TRIM16: variants seen among roughly 807,000 people sequenced by gnomAD.
The protein encoded by TRIM16 is tripartite motif containing 16, also known as tripartite motif-containing protein 16.
Under a neutral mutation model 50.4 loss-of-function variants are expected in TRIM16, and 33 were observed. The observed-to-expected ratio is 0.65, with a 90% CI of 0.50 to 0.88. The LOEUF is 0.88. TRIM16 is among the 40% of genes least tolerant of loss of function. The pLI, the probability that TRIM16 is intolerant of heterozygous loss-of-function variation, is 0.00. For missense variants in TRIM16, 581 were observed against 686.8 expected (o/e 0.85, Z 1.72); for synonymous variants, 229 against 270.7 (o/e 0.85, Z 1.51).
intron 1 of TRIM16, 40 bp from the exon 2 acceptor site, chr17:15,683,197 C>A (rs909809382): frequency 3.5e-6 from 5 of 1,418,396 alleles, no homozygotes; most frequent in Non-Finnish European, 4.8e-6. Context: ...TCCCCTTTTT[C>A]ATTGTATTTC....
rs542799177 is a variant in TRIM16 at position 15,664,762 on chromosome 17, C to T, written c.-338+12414G>A. On this transcript the variant is annotated intron_variant, in intron 6 of 11. Coordinates refer to ENST00000649191, the MANE Select transcript of TRIM16 (RefSeq NM_001348119.1). ...CAAGAACCAGGAAACAGGCCGGGCG[C>T]GGTGGCTCACTCCTGTCATCCCAGC... 1.8e-4 allele frequency among the ~76,000 whole-genome samples: 27 copies of T among 151,374 alleles called. No homozygotes were observed. In the East Asian group the frequency reaches 4.3e-3, roughly 24 times the overall value.
intron 7 of TRIM16, among the ~76,000 whole-genome samples, chr17:15,645,739 G>A (rs114405319): frequency 0.053 from 8,102 of 152,290 alleles, 748 homozygotes; most frequent in African/African-American, 0.18. Context: ...TGCAGGCAGA[G>A]GACTCGCCTC....
intron 6 of TRIM16, among the ~76,000 whole-genome samples, chr17:15,669,244 G>C (rs1187086139): frequency 2.0e-5 from 3 of 151,514 alleles, no homozygotes. Context: ...AGAAATAGCA[G>C]CATGACCACT....
Position 15,651,880 on chromosome 17 carries a change from T to C in TRIM16, c.-271A>G. 7.2e-7 allele frequency: 1 copy of C among 1,393,496 alleles called. No homozygotes were observed. The allele number at this position is 1,393,496 out of a possible 1,614,324, so 86.3% of individuals were successfully genotyped here. A position where few individuals can be genotyped will look rare whatever the true frequency, so the allele number is the denominator to read the frequency against. ...CCTCCCCAGGTCCAGCCCTGAAACT[T>C]CTATTCTTATGTGAATCATCTGAAC... On this transcript the variant is annotated 5_prime_UTR_variant, in exon 7 of 12. Coordinates refer to ENST00000649191, the MANE Select transcript of TRIM16 (RefSeq NM_001348119.1).
intron 6 of TRIM16, among the ~76,000 whole-genome samples, chr17:15,658,481 A>T (rs1230806641): frequency 6.6e-6 from 1 of 152,208 alleles, no homozygotes; most frequent in Non-Finnish European, 1.5e-5. Context: ...TTTGTCCACC[A>T]GACTTCAAGA....
At chr17:15,648,237 A>AC (rs1567676586) in intron 7 of TRIM16, among the ~76,000 whole-genome samples, 2 of 149,004 alleles carry the variant, frequency 1.3e-5, no homozygotes, top group African/African-American at 5.2e-5. Flanking sequence ...AAAAAAAAAA[A>AC]AAACAAAAAA....
chr17:15,639,601 C>T (rs1208616855), intron 8 of TRIM16, among the ~76,000 whole-genome samples: 1 of 149,128 alleles, frequency 6.7e-6, no homozygotes, highest in Non-Finnish European at 1.5e-5. Flanking sequence ...TGGCTCCCTC[C>T]GGAGCCCTGT....
At chr17:15,635,910 C>T in intron 9 of TRIM16, 126 bp downstream of exon 9, 4 of 831,554 alleles carry the variant, frequency 4.8e-6, no homozygotes, top group Non-Finnish European at 7.5e-6. Flanking sequence ...TCTCTCTGTT[C>T]CCACTGCTCC....
Position 15,651,734 on chromosome 17 carries a change from C to G in TRIM16, c.-125G>C. On this transcript the variant is annotated 5_prime_UTR_variant, in exon 7 of 12. Transcript: ENST00000649191. Reference sequence around the variant, plus strand: ...TGCTGCAAGATTTTAACTGTTTCCTCCCTCCCAGAGGAAGCTCGGCCACTC... The same window carrying G: ...TGCTGCAAGATTTTAACTGTTTCCTGCCTCCCAGAGGAAGCTCGGCCACTC... The G allele has an allele frequency of 6.5e-7, 1 of 1,527,618 alleles. No individual in the cohort carries two copies. The highest frequency in any genetic ancestry group is 8.8e-7 in the Non-Finnish European group (1 of 1,142,848). 94.6% of individuals were successfully genotyped at this position (1,527,618 alleles called of 1,614,324 possible).
chr17:15,661,095 G>A (rs1460344824), intron 6 of TRIM16, among the ~76,000 whole-genome samples: 1 of 152,060 alleles, frequency 6.6e-6, no homozygotes. Flanking sequence ...GTGTCAAGTG[G>A]TCAGAGTCCT....
At chr17:15,640,243 T>A (rs1312237264) in intron 8 of TRIM16, among the ~76,000 whole-genome samples, 1 of 147,674 alleles carries the variant, frequency 6.8e-6, no homozygotes, top group South Asian at 2.2e-4. Flanking sequence ...CAGCCTGACC[T>A]CTCCCTCTGG....
intron 6 of TRIM16, among the ~76,000 whole-genome samples, chr17:15,661,058 G>A (rs781712211): frequency 1.3e-5 from 2 of 152,132 alleles, no homozygotes; most frequent in Non-Finnish European, 2.9e-5. Flanking sequence ...CTCCCAATAT[G>A]GTCAGAAAGA....
At chr17:15,645,816 G>A (rs2150912334) in intron 7 of TRIM16, among the ~76,000 whole-genome samples, 1 of 152,314 alleles carries the variant, frequency 6.6e-6, no homozygotes, top group African/African-American at 2.4e-5. Context: ...GGAGCTGAGG[G>A]GGCCCCAGTG....
chr17:15,630,719 C>G (rs1217166481), intron 11 of TRIM16, among the ~76,000 whole-genome samples: 1 of 150,258 alleles, frequency 6.7e-6, no homozygotes, highest in Non-Finnish European at 1.5e-5. Flanking sequence ...ACTCAGGAGA[C>G]TGAGGGAGGA....
Position 15,635,488 on chromosome 17 carries a change from A to G in TRIM16, c.849+548T>C, listed in dbSNP as rs931831978. On this transcript the variant is annotated intron_variant, in intron 9 of 11. Coordinates refer to ENST00000649191, the MANE Select transcript of TRIM16 (RefSeq NM_001348119.1). ...GTAATGAAAAGCATTTGCTCTTCTGAGCCCTCCTCAATTACTCCAGCCACA... is the reference window on the plus strand; with the variant it reads ...GTAATGAAAAGCATTTGCTCTTCTGGGCCCTCCTCAATTACTCCAGCCACA... 1.4e-4 allele frequency among the ~76,000 whole-genome samples: 21 copies of G among 145,368 alleles called. 4 individuals are homozygous for G. The highest frequency in any genetic ancestry group is 5.2e-4 in the African/African-American group (20 of 38,522).
chr17:15,673,719 T>C (rs1452555439), intron 6 of TRIM16, among the ~76,000 whole-genome samples: 4 of 152,230 alleles, frequency 2.6e-5, no homozygotes, highest in African/African-American at 7.2e-5. Flanking sequence ...CATGTAAGTG[T>C]TGAGTCACAG....
intron 8 of TRIM16, among the ~76,000 whole-genome samples, chr17:15,637,864 G>A (rs2150905174): frequency 7.5e-6 from 1 of 134,076 alleles, no homozygotes; most frequent in Admixed American, 7.1e-5. Context: ...TGTGTAGAAA[G>A]AAGTAGACAT....
chr17:15,664,009 G>A (rs1988364505), intron 6 of TRIM16, among the ~76,000 whole-genome samples: 1 of 152,138 alleles, frequency 6.6e-6, no homozygotes, highest in Non-Finnish European at 1.5e-5. Context: ...GCTAAAATGG[G>A]GTTTAAAAAT....
At chr17:15,641,792 C>A (rs1180864310) in intron 8 of TRIM16, among the ~76,000 whole-genome samples, 1 of 147,832 alleles carries the variant, frequency 6.8e-6, no homozygotes, top group Non-Finnish European at 1.5e-5. Flanking sequence ...ATCATTTATT[C>A]TCAGGATATA....
Sources: gnomAD v4.1 joint callset for allele counts (sites outside exome capture counted in the v4.1 genomes callset) on GRCh38, gnomAD v4.1.1 for gene constraint, MANE v1.5 for transcripts, NCBI Gene and HGNC (gene_info 2026-07-23, HGNC 2026-07-21) for gene names.